RECQL5: variants seen among roughly 807,000 people sequenced by gnomAD.
RECQL5 encodes ATP-dependent DNA helicase Q5.
Under a neutral mutation model 103.4 loss-of-function variants are expected in RECQL5, and 88 were observed. The ratio of observed to expected loss-of-function variants is 0.85; its 90% CI spans 0.72 to 1.02. The LOEUF (loss-of-function observed/expected upper bound fraction) is 1.02, where lower values mean the gene tolerates loss of function less well. Among genes scored for constraint, RECQL5 ranks in the 50% least tolerant of loss-of-function variants. RECQL5 has a pLI of 0.00. For synonymous variants in RECQL5, 552 were observed against 507.9 expected, an observed-to-expected ratio of 1.09 and a Z score of -1.17; for missense variants, 1,232 against 1,284.3, an observed-to-expected ratio of 0.96 and a Z score of 0.62.
chr17:75,635,221 G>A (rs2059296685), intron 8 of RECQL5, among the ~76,000 whole-genome samples: 1 of 152,192 alleles, frequency 6.6e-6, no homozygotes, highest in Non-Finnish European at 1.5e-5. Context: ...CTGGTGTCTG[G>A]GGAGACAAGC....
intron 9 of RECQL5, 60 bp downstream of exon 9, chr17:75,631,390 G>C (rs1053928441): frequency 2.7e-5 from 43 of 1,577,616 alleles, no homozygotes; most frequent in Non-Finnish European, 3.7e-5. Flanking sequence ...TCTGGCCCTG[G>C]CGCCAAGGGA....
chr17:75,630,405 G>T, intron 13 of RECQL5, 128 bp from the exon 14 acceptor site: 1 of 932,662 alleles, frequency 1.1e-6, no homozygotes, highest in Non-Finnish European at 1.6e-6. Flanking sequence ...GGCTCTCTGA[G>T]CACCCTGTGG....
intron 8 of RECQL5, chr17:75,647,294 CGGCG>C: frequency 7.8e-7 from 1 of 1,280,120 alleles, no homozygotes; most frequent in Non-Finnish European, 1.1e-6. Flanking sequence ...AGGCTGGAGT[CGGCG>C]GGCAGAGCAT....
At chr17:75,660,847 C>T (rs2059689442) in intron 6 of RECQL5, 108 bp downstream of exon 6, 2 of 824,998 alleles carry the variant, frequency 2.4e-6, no homozygotes, top group Non-Finnish European at 4.2e-6. Context: ...CTTCCTTCCC[C>T]TCTAGCCCTC....
intron 8 of RECQL5, among the ~76,000 whole-genome samples, chr17:75,648,559 G>T (rs776733809): frequency 4.0e-5 from 6 of 151,128 alleles, no homozygotes; most frequent in Admixed American, 2.0e-4. Context: ...ATTTTTAGTA[G>T]AGATGGGGTT....
intron 14 of RECQL5, 63 bp from the exon 15 acceptor site, chr17:75,629,905 G>A: frequency 1.3e-6 from 2 of 1,536,968 alleles, no homozygotes; most frequent in South Asian, 1.2e-5. Flanking sequence ...GCCCCACCTA[G>A]CCCTCCTTTT....
At chr17:75,653,452 G>C (rs555215212) in intron 7 of RECQL5, among the ~76,000 whole-genome samples, 1 of 152,316 alleles carries the variant, frequency 6.6e-6, no homozygotes, top group East Asian at 1.9e-4. Context: ...GCTTCACTCT[G>C]TTATAAGCCT....
Position 75,629,334 on chromosome 17 carries a change from G to C in RECQL5, c.2089C>G (p.Pro697Ala). The C allele has an allele frequency of 6.5e-7, 1 of 1,528,376 alleles. No homozygotes were observed. The highest frequency in any genetic ancestry group is 8.8e-7 in the Non-Finnish European group (1 of 1,137,912). The allele number at this position is 1,528,376 out of a possible 1,614,324, so 94.7% of individuals were successfully genotyped here. ...CCATCCTCATCCAGGAGGCCACAGGGCCGGCTCGGGGGCTCGTGCTCGCCT... is the reference window on the plus strand; with the variant it reads ...CCATCCTCATCCAGGAGGCCACAGGCCCGGCTCGGGGGCTCGTGCTCGCCT... ...RGGEHEPPSRPCGLLDEDGSE... is the reference protein window; with the variant it reads ...RGGEHEPPSRACGLLDEDGSE... Residue 697 changes from proline (P) to alanine (A), a missense_variant, in exon 16 of 20, where the codon CCC becomes GCC. Transcript: ENST00000317905.
In RECQL5 at chr17:75,651,270, G is replaced by A. The variant is rs2059552051; in HGVS notation, c.1150-5C>T. On this transcript the variant is annotated splice_region_variant and splice_polypyrimidine_tract_variant and intron_variant, in intron 7 of 19. Coordinates refer to ENST00000317905, the MANE Select transcript of RECQL5 (RefSeq NM_004259.7). Reference sequence around the variant, plus strand: ...TGCTTTGTTTCCTCTCTTTTCCTGGGGACAAAAAATGACCACTTAGCAAGT... The same window carrying A: ...TGCTTTGTTTCCTCTCTTTTCCTGGAGACAAAAAATGACCACTTAGCAAGT... 1.9e-6 allele frequency: 3 copies of A among 1,613,548 alleles called. No homozygotes were observed. In the East Asian group the frequency reaches 6.7e-5, roughly 36 times the overall value.
intron 4 of RECQL5, 26 bp from the exon 5 acceptor site, chr17:75,661,734 A>C: frequency 6.4e-7 from 1 of 1,556,148 alleles, no homozygotes; most frequent in South Asian, 1.1e-5. Flanking sequence ...CAGGAAGAAA[A>C]TAAGCATAGC....
chr17:75,652,437 A>C (rs2059567129), intron 7 of RECQL5: 1 of 152,232 alleles, frequency 6.6e-6, no homozygotes, highest in South Asian at 2.1e-4. Context: ...CTTACCAGGG[A>C]GGCTGTGTGC....
At chr17:75,653,405 G>A (rs1267301742) in intron 7 of RECQL5, among the ~76,000 whole-genome samples, 4 of 152,176 alleles carry the variant, frequency 2.6e-5, no homozygotes, top group East Asian at 1.9e-4. Context: ...CTTAGTGACC[G>A]AAGCTCTGGT....
intron 8 of RECQL5, among the ~76,000 whole-genome samples, chr17:75,648,359 A>G (rs561028013): frequency 6.6e-6 from 1 of 152,140 alleles, no homozygotes; most frequent in South Asian, 2.1e-4. Flanking sequence ...TACAGGACTT[A>G]TATGTCTTTG....
At chr17:75,650,455 T>A in intron 8 of RECQL5, 1 of 1,346,170 alleles carries the variant, frequency 7.4e-7, no homozygotes, top group Admixed American at 3.0e-5. Flanking sequence ...GACGGGTGTT[T>A]AGTGGCCTCA....
Position 75,661,016 on chromosome 17 carries a change from T to C in RECQL5, c.925A>G (p.Lys309Glu), listed in dbSNP as rs2059691538. The C allele has an allele frequency of 6.2e-7, 1 of 1,614,124 alleles. No homozygotes were observed. The highest frequency in any genetic ancestry group is 8.5e-7 in the Non-Finnish European group (1 of 1,180,010). ...TLVQNDWMEE[K>E]VPVIVATISF... ...ATGGTTGCAACAATTACAGGGACCTTCTCCTCCATCCAGTCGTTCTGCACC... is the reference window on the plus strand; with the variant it reads ...ATGGTTGCAACAATTACAGGGACCTCCTCCTCCATCCAGTCGTTCTGCACC... Residue 309 changes from lysine to glutamate, a missense_variant, in exon 6 of 20, where the codon AAG becomes GAG. Lys to Glu is a moderately conservative substitution (Grantham distance 56). Transcript: ENST00000317905.
At chr17:75,655,100 T>A (rs2059599749) in intron 7 of RECQL5, among the ~76,000 whole-genome samples, 1 of 152,228 alleles carries the variant, frequency 6.6e-6, no homozygotes, top group South Asian at 2.1e-4. Context: ...CTAACATTTT[T>A]AAACATGTCA....
chr17:75,655,505 A>G (rs1165591735), intron 7 of RECQL5, among the ~76,000 whole-genome samples: 3 of 151,878 alleles, frequency 2.0e-5, no homozygotes, highest in Non-Finnish European at 4.4e-5. Flanking sequence ...CTGGGACTAC[A>G]GGCGCCCGCC....
intron 8 of RECQL5, chr17:75,647,380 GACCA>G: frequency 6.5e-7 from 1 of 1,548,344 alleles, no homozygotes; most frequent in Non-Finnish European, 8.7e-7. Flanking sequence ...GATTCTCATG[GACCA>G]ACTGGTATTC....
In RECQL5 at chr17:75,629,555, C is replaced by T. The variant is rs1174783372; in HGVS notation, c.1948-80G>A. On this transcript the variant is annotated intron_variant, in intron 15 of 19. Transcript: ENST00000317905. ...CACCGCTGGCTGGAGCAGTAACTCA[C>T]ATTGGGACGGGGCTCTCAGGAGTGT... 4 of 1,499,574 alleles carry T rather than the reference C, an allele frequency of 2.7e-6. No individual in the cohort carries two copies. The East Asian group carries it at 9.2e-5, about 34-fold the overall frequency. The allele number at this position is 1,499,574 out of a possible 1,614,324, so 92.9% of individuals were successfully genotyped here. A position where few individuals can be genotyped will look rare whatever the true frequency, so the allele number is the denominator to read the frequency against.
Sources: gnomAD v4.1 joint callset for allele counts (sites outside exome capture counted in the v4.1 genomes callset) on GRCh38, gnomAD v4.1.1 for gene constraint, MANE v1.5 for transcripts, NCBI Gene and HGNC (gene_info 2026-07-23, HGNC 2026-07-21) for gene names.